ADPRM: variants seen among roughly 807,000 people sequenced by gnomAD.
ADPRM encodes the protein manganese-dependent ADP-ribose/CDP-alcohol diphosphatase.
Under a neutral mutation model 27.2 loss-of-function variants are expected in ADPRM, and 17 were observed. The ratio of observed to expected loss-of-function variants is 0.63; its 90% confidence interval spans 0.43 to 0.94. ADPRM has a LOEUF of 0.94. Among genes scored for constraint, ADPRM ranks in the 40% least tolerant of loss-of-function variants. ADPRM has a pLI of 0.00. For missense variants in ADPRM, 337 were observed against 412.8 expected (o/e 0.82, Z 1.59); for synonymous variants, 135 against 145.3 (o/e 0.93, Z 0.51).
At chr17:10,710,087 GTTTA>G (rs965484393) in intron 3 of ADPRM, among the ~76,000 whole-genome samples, 7 of 113,912 alleles carry the variant, frequency 6.1e-5, no homozygotes, top group East Asian at 2.4e-4. Flanking sequence ...TAAACTGTTT[GTTTA>G]TTTATTTATA....
At chr17:10,703,120 T>C (rs1249784147) in intron 1 of ADPRM, among the ~76,000 whole-genome samples, 1 of 152,204 alleles carries the variant, frequency 6.6e-6, no homozygotes, top group Non-Finnish European at 1.5e-5. Context: ...AATATTCATG[T>C]TATATACTTG....
At chr17:10,700,836 C>T (rs1025250390) in intron 1 of ADPRM, among the ~76,000 whole-genome samples, 1 of 151,580 alleles carries the variant, frequency 6.6e-6, no homozygotes, top group African/African-American at 2.4e-5. Context: ...TTATCCTGTA[C>T]TATGACATGA....
intron 3 of ADPRM, 87 bp downstream of exon 3, chr17:10,706,641 C>G: frequency 1.1e-6 from 1 of 905,666 alleles, no homozygotes; most frequent in East Asian, 3.1e-5. Flanking sequence ...ATTTGTGTTT[C>G]GATATCCTCT....
chr17:10,706,229 C>T (rs559500158), intron 2 of ADPRM, among the ~76,000 whole-genome samples: 3 of 151,858 alleles, frequency 2.0e-5, no homozygotes, highest in South Asian at 2.1e-4. Context: ...GGAAAGCCAG[C>T]GAAGTAAGCA....
Position 10,706,160 on chromosome 17 carries a change from C to T in ADPRM, c.602-278C>T, listed in dbSNP as rs9890640. Reference sequence around the variant, plus strand: ...GTACAAGGTGATTTTAGAGTGTAAACGGGGCCAAGAATATGTAGCGGCTGA... The same window carrying T: ...GTACAAGGTGATTTTAGAGTGTAAATGGGGCCAAGAATATGTAGCGGCTGA... On this transcript the variant is annotated intron_variant, in intron 2 of 3. Transcript: ENST00000379774. Among the ~76,000 whole-genome samples the T allele has an allele frequency of 9.3e-3, 1,415 of 152,090 alleles. 16 individuals are homozygous for T. The highest frequency in any genetic ancestry group is 0.03 in the African/African-American group (1,227 of 41,466).
Position 10,706,573 on chromosome 17 carries a change from T to C in ADPRM, c.718+19T>C. 6.7e-7 allele frequency: 1 copy of C among 1,493,120 alleles called. No homozygotes were observed. Among genetic ancestry groups the C allele is most frequent in the Non-Finnish European group, 9.0e-7 (1 of 1,108,288 alleles). The allele number at this position is 1,493,120 out of a possible 1,614,324, so 92.5% of individuals were successfully genotyped here. On this transcript the variant is annotated intron_variant, in intron 3 of 3. Transcript: ENST00000379774. ...ATTGTGAGTAAGTATTTAATTTATC[T>C]GATTACACTAACATTTTAGAGATTG...
chr17:10,704,980 C>A lies in ADPRM; in HGVS notation c.54C>A (p.Phe18Leu). The change falls in exon 2 of 4, where the codon TTC becomes TTA. Residue 18 changes from phenylalanine to leucine, a missense_variant. Phe to Leu is a conservative substitution (Grantham distance 22). Transcript: ENST00000379774. ...EALSDSSERL[F>L]SFGVIADVQF... The stretch of plus-strand genomic sequence containing the variant: ...TAAGTGACAGTTCAGAGCGTCTTTT[C>A]TCCTTTGGCGTCATCGCAGATGTTC... The A allele has an allele frequency of 6.2e-7, 1 of 1,613,992 alleles. No homozygotes were observed. The highest frequency in any genetic ancestry group is 1.7e-5 in the Admixed American group (1 of 59,996).
At position 10,710,971 on chromosome 17, in the gene ADPRM, G is replaced by A. The variant is rs997030033; in HGVS notation, c.856G>A (p.Glu286Lys). 8.1e-6 allele frequency: 13 copies of A among 1,613,944 alleles called. No individual in the cohort carries two copies. In the Admixed American group the frequency reaches 1.3e-4, roughly 17 times the overall value. ...AGHTHDGGYS[E>K]DPFGVYHVNL... Reference sequence around the variant, plus strand: ...TCACACCCATGATGGTGGCTACTCTGAGGATCCTTTTGGTGTATACCACGT... The same window carrying A: ...TCACACCCATGATGGTGGCTACTCTAAGGATCCTTTTGGTGTATACCACGT... Residue 286 changes from glutamate (E) to lysine (K), a missense_variant, in exon 4 of 4, where the codon GAG becomes AAG. Glu to Lys is a moderately conservative substitution (Grantham distance 56). Transcript: ENST00000379774.
At position 10,710,997 on chromosome 17, in the gene ADPRM, C is replaced by T; in HGVS notation, c.882C>T (p.Val294=). The change falls in exon 4 of 4, where the codon GTC becomes GTT. Residue 294 remains valine (V), a synonymous_variant. Transcript: ENST00000379774. The part of the protein sequence containing the change: ...YSEDPFGVYH[V]NLEGVIETAP... ...AGGATCCTTTTGGTGTATACCACGT[C>T]AACCTAGAAGGAGTTATTGAAACAG... The T allele has an allele frequency of 1.2e-6, 2 of 1,614,114 alleles. No individual in the cohort carries two copies. The highest frequency in any genetic ancestry group is 2.2e-5 in the South Asian group (2 of 91,082).
intron 2 of ADPRM, among the ~76,000 whole-genome samples, chr17:10,706,179 C>T (rs933452413): frequency 2.4e-4 from 37 of 152,024 alleles, no homozygotes; most frequent in Admixed American, 2.2e-3. Context: ...GAATATGTAG[C>T]GGCTGAGTGG....
intron 1 of ADPRM, among the ~76,000 whole-genome samples, chr17:10,704,501 A>C (rs1048886316): frequency 2.0e-5 from 3 of 151,472 alleles, no homozygotes; most frequent in Non-Finnish European, 2.9e-5. Flanking sequence ...AAAAAAAAAA[A>C]AAAAAACTTG....
chr17:10,705,669 C>A lies in ADPRM; in HGVS notation c.601+142C>A. On this transcript the variant is annotated intron_variant, in intron 2 of 3. Coordinates refer to ENST00000379774, the MANE Select transcript of ADPRM (RefSeq NM_020233.5). This position sits in a 1 kb window ranked among gnomAD's most constrained non-coding sequence, Gnocchi z 5.4. ...TCAGGATTTCTCACAAGCCTTCTCACATGGATTGGTTACAGTTGATTCAAG... is the reference window on the plus strand; with the variant it reads ...TCAGGATTTCTCACAAGCCTTCTCAAATGGATTGGTTACAGTTGATTCAAG... 1.5e-6 allele frequency: 2 copies of A among 1,297,332 alleles called. No individual in the cohort carries two copies. The highest frequency in any genetic ancestry group is 2.1e-6 in the Non-Finnish European group (2 of 970,632). 80.4% of individuals were successfully genotyped at this position (1,297,332 alleles called of 1,614,324 possible).
At chr17:10,706,018 A>C (rs1313595221) in intron 2 of ADPRM, 2 of 192,274 alleles carry the variant, frequency 1.0e-5, no homozygotes, top group Admixed American at 5.3e-5. Flanking sequence ...GACAAGGAGG[A>C]GTCTCCCTTG....
At chr17:10,706,828 ATGAAG>A (rs906434283) in intron 3 of ADPRM, among the ~76,000 whole-genome samples, 3 of 152,174 alleles carry the variant, frequency 2.0e-5, no homozygotes, top group African/African-American at 7.2e-5. Context: ...AGATCAGTTT[ATGAAG>A]TAATTTCTTT....
chr17:10,697,656 G>T lies in ADPRM; in HGVS notation c.-29G>T. ...GTAGTCAGAGGCCTTTCAGCCCAGG[G>T]GCCGGCGCACGGTAGGTAGTTCCCT... is the stretch of plus-strand genomic sequence containing the variant. On this transcript the variant is annotated 5_prime_UTR_variant, in exon 1 of 4. Coordinates refer to ENST00000379774, the MANE Select transcript of ADPRM (RefSeq NM_020233.5). The T allele has an allele frequency of 1.0e-6, 1 of 996,500 alleles. No homozygotes were observed. The allele number at this position is 996,500 out of a possible 1,614,324, so 61.7% of individuals were successfully genotyped here.
At chr17:10,708,666 C>G (rs1024274732) in intron 3 of ADPRM, among the ~76,000 whole-genome samples, 2 of 152,114 alleles carry the variant, frequency 1.3e-5, no homozygotes, top group Non-Finnish European at 2.9e-5. Context: ...CCTTTTGGCT[C>G]TATAATAAGT....
Position 10,705,766 on chromosome 17 carries a change from GTAAACAATAC to G in ADPRM, c.601+243_601+252del. On this transcript the variant is annotated intron_variant, in intron 2 of 3. Coordinates refer to ENST00000379774, the MANE Select transcript of ADPRM (RefSeq NM_020233.5). The surrounding 1 kb of genome is among the most constrained non-coding windows in gnomAD (Gnocchi z 5.4). The stretch of plus-strand genomic sequence containing the variant: ...TTTCTAGGGGTAGATATTCCGAGCT[GTAAACAATAC>G]TAACAATATTACTTTTTTGATGGAT... The G allele has an allele frequency of 5.4e-6, 3 of 560,544 alleles. No homozygotes were observed. Among genetic ancestry groups the G allele is most frequent in the Non-Finnish European group, 9.2e-6 (3 of 324,568 alleles). 34.7% of individuals were successfully genotyped at this position (560,544 alleles called of 1,614,324 possible).
chr17:10,710,412 TTTAG>T (rs1251171803), intron 3 of ADPRM, among the ~76,000 whole-genome samples: 3 of 152,342 alleles, frequency 2.0e-5, no homozygotes, highest in Middle Eastern at 3.4e-3. Context: ...TGTTCTTTTA[TTTAG>T]TGTTACATCA....
At chr17:10,707,091 A>G (rs1191757646) in intron 3 of ADPRM, among the ~76,000 whole-genome samples, 3 of 152,192 alleles carry the variant, frequency 2.0e-5, no homozygotes, top group Non-Finnish European at 4.4e-5. Context: ...GCAAGAACCC[A>G]AAGGTGAGAT....
Sources: allele counts gnomAD v4.1 joint callset (sites outside exome capture counted in the v4.1 genomes callset), GRCh38; gene constraint gnomAD v4.1.1; non-coding constraint Gnocchi (gnomAD v3.1); transcripts MANE v1.5; gene names NCBI Gene and HGNC (gene_info 2026-07-23, HGNC 2026-07-21).